Variants in DNM3 observed in about 807,000 individuals in gnomAD.
The protein encoded by DNM3 is dynamin 3, also known as dynamin-3.
In DNM3, 47 loss-of-function variants were observed where a neutral mutation model predicts 101.6. The observed-to-expected ratio is 0.46, with a 90% confidence interval of 0.37 to 0.59. The LOEUF is 0.59. Among genes scored for constraint, DNM3 ranks in the 20% least tolerant of loss-of-function variants. The pLI, the probability that DNM3 is intolerant of heterozygous loss-of-function variation, is 0.00. For synonymous variants in DNM3, 385 were observed against 387.9 expected (o/e 0.99, Z 0.09); for missense variants, 849 against 1,085.7 (o/e 0.78, Z 3.06).
chr1:172,371,955 T>G (rs892540520), intron 17 of DNM3, among the ~76,000 whole-genome samples: 17 of 149,920 alleles, frequency 1.1e-4, no homozygotes, highest in Admixed American at 1.0e-3. Flanking sequence ...AGGGTACATG[T>G]GCACATTGTG....
intron 14 of DNM3, among the ~76,000 whole-genome samples, chr1:172,237,265 T>G (rs974232712): frequency 6.6e-6 from 1 of 152,146 alleles, no homozygotes; most frequent in African/African-American, 2.4e-5. Context: ...TTTTTTTTCT[T>G]TTTTGAACTT....
At chr1:172,127,482 C>T (rs907500237) in intron 13 of DNM3, among the ~76,000 whole-genome samples, 1 of 151,080 alleles carries the variant, frequency 6.6e-6, no homozygotes, top group Non-Finnish European at 1.5e-5. Flanking sequence ...GATCTTGGCT[C>T]ACTGCAACCT....
intron 2 of DNM3, among the ~76,000 whole-genome samples, chr1:171,942,573 A>G (rs1337216777): frequency 6.6e-6 from 1 of 151,506 alleles, no homozygotes; most frequent in Non-Finnish European, 1.5e-5. Flanking sequence ...TATGTACCAG[A>G]CACATATTGA....
At chr1:172,327,928 G>A (rs929444509) in intron 17 of DNM3, among the ~76,000 whole-genome samples, 3 of 152,130 alleles carry the variant, frequency 2.0e-5, no homozygotes, top group African/African-American at 7.2e-5. Context: ...AAAGAGCATT[G>A]TTAAAGCCTT....
intron 17 of DNM3, among the ~76,000 whole-genome samples, chr1:172,377,307 T>C (rs943678805): frequency 1.3e-5 from 2 of 151,812 alleles, no homozygotes; most frequent in Non-Finnish European, 1.5e-5. Flanking sequence ...ATAAAGTACA[T>C]AGCACAGTAC....
At chr1:172,198,818 C>G (rs2060048489) in intron 14 of DNM3, among the ~76,000 whole-genome samples, 1 of 151,320 alleles carries the variant, frequency 6.6e-6, no homozygotes, top group Non-Finnish European at 1.5e-5. Flanking sequence ...TTCTATTAGT[C>G]TAGTTAGAGG....
chr1:172,210,641 T>A (rs113057028), intron 14 of DNM3, among the ~76,000 whole-genome samples: 1 of 152,152 alleles, frequency 6.6e-6, no homozygotes, highest in African/African-American at 2.4e-5. Flanking sequence ...CAAGATATAA[T>A]GTGAAACAAA....
At chr1:172,098,629 A>G (rs2054416607) in intron 13 of DNM3, among the ~76,000 whole-genome samples, 1 of 152,228 alleles carries the variant, frequency 6.6e-6, no homozygotes, top group Admixed American at 6.5e-5. Flanking sequence ...TGGGGAAGTG[A>G]TAAGTGTCCA....
intron 14 of DNM3, among the ~76,000 whole-genome samples, chr1:172,253,314 C>T (rs1195452550): frequency 6.6e-6 from 1 of 152,104 alleles, no homozygotes; most frequent in South Asian, 2.1e-4. Flanking sequence ...ATTTTTCCAA[C>T]CACATGTTGA....
At chr1:172,263,935 T>G (rs2062762803) in intron 15 of DNM3, among the ~76,000 whole-genome samples, 1 of 152,212 alleles carries the variant, frequency 6.6e-6, no homozygotes, top group African/African-American at 2.4e-5. Flanking sequence ...AAATGAAGTT[T>G]AGTTGTGAGA....
chr1:172,110,964 A>C (rs1390586015), intron 13 of DNM3, among the ~76,000 whole-genome samples: 2 of 152,220 alleles, frequency 1.3e-5, no homozygotes, highest in Non-Finnish European at 2.9e-5. Flanking sequence ...TGAGCCGGGG[A>C]GATCGAGGTT....
rs568759028 is a variant in DNM3, at chr1:172,148,580, T to C, written c.1659+17292T>C. Reference sequence around the variant, plus strand: ...TTGCTTATTTTTGGCCTTCTAATGTTCTGGAAGCATCCTGTGCAGCTACCA... The same window carrying C: ...TTGCTTATTTTTGGCCTTCTAATGTCCTGGAAGCATCCTGTGCAGCTACCA... On this transcript the variant is annotated intron_variant, in intron 14 of 20. Coordinates refer to ENST00000627582, the MANE Select transcript of DNM3 (RefSeq NM_015569.5). 2.6e-5 allele frequency among the ~76,000 whole-genome samples: 4 copies of C among 152,284 alleles called. No individual in the cohort carries two copies. The South Asian group carries it at 8.3e-4, about 32-fold the overall frequency.
chr1:172,115,113 A>G (rs986022927), intron 13 of DNM3, among the ~76,000 whole-genome samples: 2 of 152,168 alleles, frequency 1.3e-5, no homozygotes, highest in African/African-American at 4.8e-5. Context: ...ATTGTCTGGG[A>G]GTCTGTCCAC....
chr1:172,236,637 G>C lies in DNM3; in HGVS notation c.1660-16936G>C, dbSNP rs151300271. On this transcript the variant is annotated intron_variant, in intron 14 of 20. Transcript: ENST00000627582. Reference sequence around the variant, plus strand: ...AAAGGAAAAGGAGGGGAAGAAGAAGGGGGTAGAGAAGAGGACAGAGGGAGG... The same window carrying C: ...AAAGGAAAAGGAGGGGAAGAAGAAGCGGGTAGAGAAGAGGACAGAGGGAGG... Among the ~76,000 whole-genome samples, 283 of 152,042 alleles carry C rather than the reference G, an allele frequency of 1.9e-3. 1 individual carries two copies. The highest frequency in any genetic ancestry group is 6.5e-3 in the African/African-American group (271 of 41,504).
downstream of DNM3, among the ~76,000 whole-genome samples, chr1:172,413,671 A>C (rs537899232): frequency 1.7e-4 from 26 of 152,346 alleles, no homozygotes; most frequent in Middle Eastern, 3.4e-3. Flanking sequence ...ACATATTCCC[A>C]GATTGTGCCA....
chr1:171,970,578 T>C (rs1449011862), intron 2 of DNM3, among the ~76,000 whole-genome samples: 4 of 152,120 alleles, frequency 2.6e-5, no homozygotes, highest in Non-Finnish European at 5.9e-5. Context: ...AGATATATAA[T>C]TATCCTCCAA....
At position 171,927,653 on chromosome 1, in the gene DNM3, T is replaced by C. The variant is rs1433685603; in HGVS notation, c.235+5832T>C. ...ACAGATTAGATTTAAAAAAATATAG[T>C]ACATATACACCATGGAATACTATAT... On this transcript the variant is annotated intron_variant, in intron 2 of 20. Transcript: ENST00000627582. Among the ~76,000 whole-genome samples the C allele has an allele frequency of 7.9e-5, 12 of 152,286 alleles. No individual in the cohort carries two copies. The East Asian group carries it at 2.3e-3, about 29-fold the overall frequency.
At chr1:172,285,635 C>G (rs948013740) in intron 15 of DNM3, among the ~76,000 whole-genome samples, 4 of 152,148 alleles carry the variant, frequency 2.6e-5, no homozygotes, top group Non-Finnish European at 5.9e-5. Context: ...TTTTCAAAAT[C>G]AGTTCAAGGA....
At chr1:172,012,516 CT>C (rs1160090162) in intron 4 of DNM3, among the ~76,000 whole-genome samples, 2 of 151,812 alleles carry the variant, frequency 1.3e-5, no homozygotes, top group South Asian at 2.1e-4. Context: ...TATGTGGATT[CT>C]TTTTTTTGTT....
Sources: allele counts gnomAD v4.1 joint callset (sites outside exome capture counted in the v4.1 genomes callset), GRCh38; gene constraint gnomAD v4.1.1; transcripts MANE v1.5; gene names NCBI Gene and HGNC (gene_info 2026-07-23, HGNC 2026-07-21).